The following SBF1 variants were observed in gnomAD, a reference collection of about 807,000 sequenced individuals.
SBF1 encodes SET binding factor 1, also known as myotubularin-related protein 5.
Under a neutral mutation model 215.8 loss-of-function variants are expected in SBF1, and 65 were observed. That is an observed-to-expected ratio of 0.30 (90% CI 0.25 to 0.37). The LOEUF (loss-of-function observed/expected upper bound fraction) is 0.37. SBF1 is among the 10% of genes least tolerant of loss of function. The pLI is 1.00. For missense variants in SBF1, 2,634 were observed against 2,667.8 expected (o/e 0.99, Z 0.28); for synonymous variants, 1,410 against 1,122.8 (o/e 1.26, Z -5.11).
At chr22:50,470,696 C>T (rs952698597) in intron 1 of SBF1, among the ~76,000 whole-genome samples, 6 of 152,192 alleles carry the variant, frequency 3.9e-5, no homozygotes, top group Non-Finnish European at 7.4e-5. Flanking sequence ...TTGGCTGGGA[C>T]GGACCACAGG....
chr22:50,464,766 G>A (rs1390151042), intron 13 of SBF1, 28 bp from the exon 14 acceptor site: 2 of 1,609,624 alleles, frequency 1.2e-6, no homozygotes, highest in Middle Eastern at 1.7e-4. Flanking sequence ...GTGTGGGGCA[G>A]GGGCCCAGGG....
rs1190423826 is a variant in SBF1, at chr22:50,465,108, C to A, written c.1225G>T (p.Gly409Trp). ...FHKAAFLGQR[G>W]LVEDDFLMKV... ...ATCAGGAAATCGTCCTCTACCAGCC[C>A]ACGCTGGCCCAGGAAGGCTGCCTGG... The change falls in exon 12 of 41, where the codon GGG becomes TGG. Residue 409 changes from glycine (G) to tryptophan (W), a missense_variant. Transcript: ENST00000380817. 1 of 1,614,118 alleles carries A rather than the reference C, an allele frequency of 6.2e-7. No individual in the cohort carries two copies. Among genetic ancestry groups the A allele is most frequent in the Non-Finnish European group, 8.5e-7 (1 of 1,180,024 alleles).
intron 22 of SBF1, 112 bp from the exon 23 acceptor site, chr22:50,461,398 C>A: frequency 6.7e-7 from 1 of 1,501,954 alleles, no homozygotes; most frequent in South Asian, 1.3e-5. Context: ...AAGGAGCAGA[C>A]AAAGGCCCGT....
At position 50,454,572 on chromosome 22, in the gene SBF1, C is replaced by T; in HGVS notation, c.4983G>A (p.Val1661=). 1 of 1,611,738 alleles carries T rather than the reference C, an allele frequency of 6.2e-7. No individual in the cohort carries two copies. Among genetic ancestry groups the T allele is most frequent in the South Asian group, 1.1e-5 (1 of 90,988 alleles). Residue 1661 remains valine (V), a synonymous_variant, in exon 36 of 41, where the codon GTG becomes GTA. Transcript: ENST00000380817. Reference sequence around the variant, plus strand: ...GCGGGCAGCTGTCGTAACAGGGCCACACCACGCGGCGCCTGCTCTGGGGAG... The same window carrying T: ...GCGGGCAGCTGTCGTAACAGGGCCATACCACGCGGCGCCTGCTCTGGGGAG... ...GGAPQSRRRV[V]WPCYDSCPRA...
intron 1 of SBF1, among the ~76,000 whole-genome samples, chr22:50,473,542 C>T (rs1465066240): frequency 6.6e-6 from 1 of 152,138 alleles, no homozygotes; most frequent in Non-Finnish European, 1.5e-5. Flanking sequence ...TAGACATGAG[C>T]AGAGAGGAGT....
chr22:50,471,320 A>G (rs1351414725), intron 1 of SBF1, among the ~76,000 whole-genome samples: 2 of 152,212 alleles, frequency 1.3e-5, no homozygotes, highest in Non-Finnish European at 2.9e-5. Context: ...CGCAGACGGC[A>G]GGCCTGAAAG....
intron 36 of SBF1, among the ~76,000 whole-genome samples, chr22:50,454,071 G>T (rs1007764971): frequency 6.6e-6 from 1 of 152,204 alleles, no homozygotes. Context: ...GGTAAGAGAG[G>T]CCTCAATGTC....
rs1269401719 is a variant in SBF1, at chr22:50,467,663, C to T, written c.307G>A (p.Glu103Lys). Residue 103 changes from glutamate to lysine, a missense_variant, in exon 4 of 41, where the codon GAG becomes AAG. By Grantham distance (56) the Glu-to-Lys change is moderately conservative. Transcript: ENST00000380817. ...QETTRVEDAT[E>K]REEEGDEGGQ... ...CCCTCATCCCCCTCTTCCTCCCTCTCTGTGGCATCCTCCACGCGCGTCGTT... is the reference window on the plus strand; with the variant it reads ...CCCTCATCCCCCTCTTCCTCCCTCTTTGTGGCATCCTCCACGCGCGTCGTT... The T allele has an allele frequency of 1.3e-6, 2 of 1,577,628 alleles. No homozygotes were observed. The highest frequency in any genetic ancestry group is 4.7e-5 in the East Asian group (2 of 42,224).
At chr22:50,468,970 G>A (rs887339624) in intron 1 of SBF1, among the ~76,000 whole-genome samples, 12 of 152,076 alleles carry the variant, frequency 7.9e-5, no homozygotes, top group African/African-American at 2.2e-4. Flanking sequence ...CACCCCCTGC[G>A]CCCACAGCCC....
At chr22:50,449,281 C>T (rs1173374084) in intron 36 of SBF1, among the ~76,000 whole-genome samples, 1 of 151,586 alleles carries the variant, frequency 6.6e-6, no homozygotes, top group Non-Finnish European at 1.5e-5. Flanking sequence ...TAAAATAGAC[C>T]CTGAAATGAA....
Position 50,464,728 on chromosome 22 carries a change from T to A in SBF1, c.1442A>T (p.Tyr481Phe). ...TACCTTGTGCATCGCCACGGCTGGG[T>A]ACGGGTTCTCCTGTGGGGAGACGGC... ...AEQLYKNENP[Y>F]PAVAMHKVQR... Residue 481 changes from tyrosine to phenylalanine, a missense_variant, in exon 14 of 41, where the codon TAC (tyrosine) becomes TTC (phenylalanine). By Grantham distance (22) the Tyr-to-Phe change is conservative. Coordinates refer to ENST00000380817, the MANE Select transcript of SBF1 (RefSeq NM_002972.4). 2 of 1,607,420 alleles carry A rather than the reference T, an allele frequency of 1.2e-6. No individual in the cohort carries two copies. The highest frequency in any genetic ancestry group is 1.7e-6 in the Non-Finnish European group (2 of 1,177,852).
At position 50,467,318 on chromosome 22, in the gene SBF1, C is replaced by G; in HGVS notation, c.549+20G>C. 1 of 1,602,914 alleles carries G rather than the reference C, an allele frequency of 6.2e-7. No homozygotes were observed. Among genetic ancestry groups the G allele is most frequent in the Admixed American group, 1.7e-5 (1 of 59,862 alleles). ...GGAGGGCCTGTGGCTGTGCAGATAC[C>G]AGCTGCCTCCAAAACTCACCTGCGA... On this transcript the variant is annotated intron_variant, in intron 5 of 40. Coordinates refer to ENST00000380817, the MANE Select transcript of SBF1 (RefSeq NM_002972.4).
chr22:50,467,935 G>A lies in SBF1; in HGVS notation c.142-12C>T, dbSNP rs759215765. The stretch of plus-strand genomic sequence containing the variant: ...CTGGGCTGGCAAAACTGCAGGGAAG[G>A]CTCAGCAGTCAGCTCCTCCCCCTAC... On this transcript the variant is annotated splice_polypyrimidine_tract_variant and intron_variant, in intron 2 of 40. Transcript: ENST00000380817. The A allele has an allele frequency of 6.2e-7, 1 of 1,613,274 alleles. No homozygotes were observed. The highest frequency in any genetic ancestry group is 8.5e-7 in the Non-Finnish European group (1 of 1,179,758).
At chr22:50,469,484 G>A (rs865843177) in intron 1 of SBF1, among the ~76,000 whole-genome samples, 8 of 152,326 alleles carry the variant, frequency 5.3e-5, no homozygotes, top group South Asian at 2.1e-4. Flanking sequence ...CAGGAAGCCC[G>A]GTGGGGACCA....
At chr22:50,467,759 T>C in intron 3 of SBF1, 27 bp downstream of exon 3, 1 of 1,613,292 alleles carries the variant, frequency 6.2e-7, no homozygotes, top group Non-Finnish European at 8.5e-7. Context: ...GCTTCATTCA[T>C]GCTGTACCCA....
Position 50,447,458 on chromosome 22 carries a change from A to T in SBF1, c.5452-5T>A. 1 of 1,588,156 alleles carries T rather than the reference A, an allele frequency of 6.3e-7. No individual in the cohort carries two copies. Among genetic ancestry groups the T allele is most frequent in the Non-Finnish European group, 8.6e-7 (1 of 1,167,298 alleles). ...ACGGTGGTCGTAGTAGCGCAGCTGGAGGAGGCCACAGAGTCAGCGGAGCCC... is the reference window on the plus strand; with the variant it reads ...ACGGTGGTCGTAGTAGCGCAGCTGGTGGAGGCCACAGAGTCAGCGGAGCCC... On this transcript the variant is annotated splice_region_variant and splice_polypyrimidine_tract_variant and intron_variant, in intron 39 of 40. Coordinates refer to ENST00000380817, the MANE Select transcript of SBF1 (RefSeq NM_002972.4).
In SBF1 at chr22:50,454,630, T is replaced by C; in HGVS notation, c.4925A>G (p.Glu1642Gly). 6.2e-7 allele frequency: 1 copy of C among 1,602,068 alleles called. No homozygotes were observed. The highest frequency in any genetic ancestry group is 1.7e-5 in the Admixed American group (1 of 58,578). The change falls in exon 36 of 41, where the codon GAA becomes GGA. Residue 1642 changes from glutamate (E) to glycine (G), a missense_variant. By Grantham distance (98) the Glu-to-Gly change is moderately conservative. Transcript: ENST00000380817. Reference protein sequence around the residue: ...YDWELAQGPPEPPEEERSDGG... With the variant: ...YDWELAQGPPGPPEEERSDGG... ...ATCAGACCGTTCTTCCTCTGGGGGT[T>C]CAGGGGGCCCCTGGGCCAGTTCCCA...
chr22:50,463,413 C>T lies in SBF1; in HGVS notation c.1769G>A (p.Arg590Lys), dbSNP rs1475920897. 6.3e-7 allele frequency: 1 copy of T among 1,579,804 alleles called. No homozygotes were observed. The highest frequency in any genetic ancestry group is 1.3e-5 in the African/African-American group (1 of 74,346). The part of the protein sequence containing the change: ...EAKKLLPAVL[R>K]ALKGRAARRC... ...GCGGGCAGCTCGCCCCTTCAGGGCC[C>T]TCAACACGGCTGGGAGCAGCTGGGG... is the stretch of plus-strand genomic sequence containing the variant. The change falls in exon 16 of 41, where the codon AGG becomes AAG. Residue 590 changes from arginine (R) to lysine (K), a missense_variant. Transcript: ENST00000380817.
chr22:50,460,614 G>A lies in SBF1; in HGVS notation c.3066C>T (p.Ala1022=). 6.2e-7 allele frequency: 1 copy of A among 1,614,134 alleles called. No individual in the cohort carries two copies. Among genetic ancestry groups the A allele is most frequent in the East Asian group, 2.2e-5 (1 of 44,880 alleles). Residue 1022 remains alanine, a synonymous_variant, in exon 24 of 41, where the codon GCC becomes GCT. Coordinates refer to ENST00000380817, the MANE Select transcript of SBF1 (RefSeq NM_002972.4). ...CAGAGCCCAAGGTGAACGCAAAGGT[G>A]GCCCTGATGTCCGGCGGGTACCGCA... The part of the protein sequence containing the change: ...HKLRYPPDIR[A]TFAFTLGSAH...
Sources: allele counts gnomAD v4.1 joint callset (sites outside exome capture counted in the v4.1 genomes callset), GRCh38; gene constraint gnomAD v4.1.1; transcripts MANE v1.5; gene names NCBI Gene and HGNC (gene_info 2026-07-23, HGNC 2026-07-21).